Variants in ACTR3B observed in about 807,000 individuals in gnomAD.
The protein encoded by ACTR3B is actin related protein 3B, also known as actin-related protein 3B.
Under a neutral mutation model 59.0 loss-of-function variants are expected in ACTR3B, and 8 were observed. The ratio of observed to expected loss-of-function variants is 0.14; its 90% CI spans 0.08 to 0.24. The LOEUF (loss-of-function observed/expected upper bound fraction) is 0.24, where lower values mean the gene tolerates loss of function less well. Among genes scored for constraint, ACTR3B ranks in the 10% least tolerant of loss-of-function variants. The pLI is 1.00. For synonymous variants in ACTR3B, 148 were observed against 197.9 expected, an observed-to-expected ratio of 0.75 and a Z score of 2.12; for missense variants, 245 against 552.3, an observed-to-expected ratio of 0.44 and a Z score of 5.58.
Position 152,759,752 on chromosome 7 carries a change from A to T in ACTR3B, c.-131A>T, listed in dbSNP as rs1433191414. 6.0e-6 allele frequency: 4 copies of T among 667,756 alleles called. No homozygotes were observed. Among genetic ancestry groups the T allele is most frequent in the Non-Finnish European group, 7.7e-6 (4 of 522,560 alleles). 41.4% of individuals were successfully genotyped at this position (667,756 alleles called of 1,614,324 possible). A position where few individuals can be genotyped will look rare whatever the true frequency, so the allele number is the denominator to read the frequency against. On this transcript the variant is annotated 5_prime_UTR_variant, in exon 1 of 12. Coordinates refer to ENST00000256001, the MANE Select transcript of ACTR3B (RefSeq NM_020445.6). The stretch of plus-strand genomic sequence containing the variant: ...TGACGTCACGTGTCGGCCGCCGAGC[A>T]TCCGGGCTCCCGGCAGCGGCGCTGC...
rs1464318403 is a variant in ACTR3B at position 152,774,201 on chromosome 7, A to C, written c.45-8986A>C. Among the ~76,000 whole-genome samples, 3 of 152,142 alleles carry C rather than the reference A, an allele frequency of 2.0e-5. No individual in the cohort carries two copies. In the East Asian group the frequency reaches 5.8e-4, roughly 29 times the overall value. On this transcript the variant is annotated intron_variant, in intron 1 of 11. Coordinates refer to ENST00000256001, the MANE Select transcript of ACTR3B (RefSeq NM_020445.6). ...GCCCAGGCTGGAGTGCAATGGCGTG[A>C]TCTCAACTCACTGCAACCTCCGCCT...
chr7:152,789,025 A>ACAACAG (rs1182875144), intron 2 of ACTR3B, among the ~76,000 whole-genome samples: 1 of 61,518 alleles, frequency 1.6e-5, no homozygotes, highest in Non-Finnish European at 3.4e-5. Context: ...CTGTCTCAAA[A>ACAACAG]CAACAACAAC....
At chr7:152,828,854 C>T (rs1293005510) in intron 9 of ACTR3B, among the ~76,000 whole-genome samples, 2 of 152,074 alleles carry the variant, frequency 1.3e-5, no homozygotes, top group Non-Finnish European at 2.9e-5. Flanking sequence ...AGAGTGGGTG[C>T]CCTGAAGATG....
chr7:152,794,611 A>G (rs2689458), intron 2 of ACTR3B, among the ~76,000 whole-genome samples: 1 of 152,314 alleles, frequency 6.6e-6, no homozygotes, highest in African/African-American at 2.4e-5. Flanking sequence ...TGTCACTTGT[A>G]TTGGCACATT....
chr7:152,828,496 G>A (rs913276548), intron 9 of ACTR3B, among the ~76,000 whole-genome samples: 7 of 152,098 alleles, frequency 4.6e-5, no homozygotes, highest in Non-Finnish European at 8.8e-5. Context: ...TCCTTAGTGC[G>A]GTGGAGAGCA....
intron 9 of ACTR3B, among the ~76,000 whole-genome samples, chr7:152,830,660 C>G (rs1441640974): frequency 6.6e-6 from 1 of 152,104 alleles, no homozygotes; most frequent in Non-Finnish European, 1.5e-5. Context: ...GCAGTCCTCC[C>G]ACCTCAGCCC....
intron 4 of ACTR3B, among the ~76,000 whole-genome samples, chr7:152,810,014 A>G (rs113902345): frequency 6.6e-6 from 1 of 152,016 alleles, no homozygotes; most frequent in Admixed American, 6.5e-5. Flanking sequence ...CTATATTCAC[A>G]CTGTTGTGTA....
chr7:152,818,637 TG>T (rs1295343845), intron 6 of ACTR3B, among the ~76,000 whole-genome samples: 2 of 152,340 alleles, frequency 1.3e-5, no homozygotes, highest in East Asian at 1.9e-4. Context: ...TTAGTAGAGA[TG>T]GGGTTTCTCC....
At position 152,796,412 on chromosome 7, in the gene ACTR3B, C is replaced by A. The variant is rs1215765606; in HGVS notation, c.101-4119C>A. Among the ~76,000 whole-genome samples, 2 of 148,712 alleles carry A rather than the reference C, an allele frequency of 1.3e-5. 1 individual carries two copies. On this transcript the variant is annotated intron_variant, in intron 2 of 11. Transcript: ENST00000256001. ...CAGTTCCGCCAGTCACAAATTTGGTCTCCAATTTGGTATAGATAATATTGT... is the reference window on the plus strand; with the variant it reads ...CAGTTCCGCCAGTCACAAATTTGGTATCCAATTTGGTATAGATAATATTGT...
chr7:152,803,927 C>T (rs1040652110), intron 4 of ACTR3B, among the ~76,000 whole-genome samples: 1 of 152,010 alleles, frequency 6.6e-6, no homozygotes, highest in Non-Finnish European at 1.5e-5. Flanking sequence ...TGTCCTTAAC[C>T]GTATGTTAAT....
chr7:152,844,798 T>C (rs987169592), intron 9 of ACTR3B, among the ~76,000 whole-genome samples: 2 of 143,124 alleles, frequency 1.4e-5, no homozygotes, highest in African/African-American at 5.0e-5. Flanking sequence ...GGAGGTGGAG[T>C]TACTGTTCAG....
At chr7:152,791,906 T>C (rs1327941858) in intron 2 of ACTR3B, among the ~76,000 whole-genome samples, 1 of 152,188 alleles carries the variant, frequency 6.6e-6, no homozygotes, top group South Asian at 2.1e-4. Context: ...GTGTGCCTTT[T>C]TTTGGGACAG....
chr7:152,759,857 G>C lies in ACTR3B; in HGVS notation c.-26G>C. On this transcript the variant is annotated 5_prime_UTR_variant, in exon 1 of 12. Coordinates refer to ENST00000256001, the MANE Select transcript of ACTR3B (RefSeq NM_020445.6). ...GACGGGGCGCTCTCGGGCTGCCGGCGGGGCCGAGCGCCGCGCGTCCCGAGC... is the reference window on the plus strand; with the variant it reads ...GACGGGGCGCTCTCGGGCTGCCGGCCGGGCCGAGCGCCGCGCGTCCCGAGC... 2 of 1,267,138 alleles carry C rather than the reference G, an allele frequency of 1.6e-6. No individual in the cohort carries two copies. The highest frequency in any genetic ancestry group is 2.0e-6 in the Non-Finnish European group (2 of 1,002,824). The allele number at this position is 1,267,138 out of a possible 1,614,324, so 78.5% of individuals were successfully genotyped here.
chr7:152,794,116 T>C (rs1320805629), intron 2 of ACTR3B, among the ~76,000 whole-genome samples: 1 of 152,238 alleles, frequency 6.6e-6, no homozygotes, highest in Non-Finnish European at 1.5e-5. Flanking sequence ...CTATATACTT[T>C]TATTCTCTTG....
intron 1 of ACTR3B, among the ~76,000 whole-genome samples, chr7:152,772,880 A>C (rs2098127505): frequency 6.6e-6 from 1 of 152,072 alleles, no homozygotes; most frequent in African/African-American, 2.4e-5. Context: ...ATTTCCTGAA[A>C]GTCAACAATA....
chr7:152,769,170 T>C (rs2098118349), intron 1 of ACTR3B, among the ~76,000 whole-genome samples: 1 of 152,134 alleles, frequency 6.6e-6, no homozygotes, highest in Non-Finnish European at 1.5e-5. Flanking sequence ...TTTGTGTGTG[T>C]GTGTACCTAG....
At position 152,816,537 on chromosome 7, in the gene ACTR3B, A is replaced by G; in HGVS notation, c.489A>G (p.Leu163=). The change falls in exon 6 of 12, where the codon TTA becomes TTG. Residue 163 remains leucine, a synonymous_variant. Coordinates refer to ENST00000256001, the MANE Select transcript of ACTR3B (RefSeq NM_020445.6). ...CTCGACAAGTGGGTGAACGTACGTT[A>G]ACGGGGATAGTCATTGACAGCGGAG... is the stretch of plus-strand genomic sequence containing the variant. ...WTSRQVGERT[L]TGIVIDSGDG... is the part of the protein sequence containing the mutation. The G allele has an allele frequency of 6.2e-7, 1 of 1,607,884 alleles. No individual in the cohort carries two copies. The highest frequency in any genetic ancestry group is 8.5e-7 in the Non-Finnish European group (1 of 1,176,848).
intron 7 of ACTR3B, among the ~76,000 whole-genome samples, chr7:152,821,623 C>A (rs564038435): frequency 3.7e-4 from 56 of 152,204 alleles, no homozygotes; most frequent in Admixed American, 1.1e-3. Flanking sequence ...ACTCTCCACA[C>A]GGGCTGTTGG....
intron 1 of ACTR3B, among the ~76,000 whole-genome samples, chr7:152,769,477 C>T (rs1370938572): frequency 6.6e-6 from 1 of 151,966 alleles, no homozygotes; most frequent in African/African-American, 2.4e-5. Context: ...TTTTATTATT[C>T]TTTCTGAATT....
Sources: gnomAD v4.1 joint callset for allele counts (sites outside exome capture counted in the v4.1 genomes callset) on GRCh38, gnomAD v4.1.1 for gene constraint, MANE v1.5 for transcripts, NCBI Gene and HGNC (gene_info 2026-07-23, HGNC 2026-07-21) for gene names.